The following STIM1 variants were observed in gnomAD, a reference collection of about 807,000 sequenced individuals.
STIM1 encodes stromal interaction molecule 1.
In STIM1, 25 loss-of-function variants were observed where a neutral mutation model predicts 74.7. The ratio of observed to expected loss-of-function variants is 0.33; its 90% CI spans 0.24 to 0.47. The LOEUF (loss-of-function observed/expected upper bound fraction) is 0.47, where lower values mean the gene tolerates loss of function less well. Among genes scored for constraint, STIM1 ranks in the 20% least tolerant of loss-of-function variants. The pLI is 1.00. For synonymous variants in STIM1, 328 were observed against 348.8 expected (o/e 0.94, Z 0.66); for missense variants, 728 against 920.8 (o/e 0.79, Z 2.71).
At chr11:4,076,146 C>A (rs560593905) in intron 7 of STIM1, among the ~76,000 whole-genome samples, 1 of 151,732 alleles carries the variant, frequency 6.6e-6, no homozygotes, top group Non-Finnish European at 1.5e-5. Context: ...TTTTGATAAA[C>A]AGAAGCCCTT....
At chr11:3,966,850 G>A (rs2093344963) in intron 1 of STIM1, among the ~76,000 whole-genome samples, 1 of 152,198 alleles carries the variant, frequency 6.6e-6, no homozygotes, top group Non-Finnish European at 1.5e-5. Context: ...GGTGGCCTAG[G>A]CTCTTGTGCT....
chr11:3,897,203 T>C (rs1298321397), intron 1 of STIM1, among the ~76,000 whole-genome samples: 1 of 152,214 alleles, frequency 6.6e-6, no homozygotes, highest in Non-Finnish European at 1.5e-5. Flanking sequence ...CTTTGTATCT[T>C]GTGGCAACCA....
At chr11:3,866,211 C>T (rs2090851136) in intron 1 of STIM1, among the ~76,000 whole-genome samples, 2 of 152,146 alleles carry the variant, frequency 1.3e-5, no homozygotes, top group South Asian at 2.1e-4. Flanking sequence ...TACTGCTTCA[C>T]TTTTGTTTTT....
chr11:3,944,809 T>G (rs1264657958), intron 1 of STIM1, among the ~76,000 whole-genome samples: 2 of 152,220 alleles, frequency 1.3e-5, no homozygotes, highest in Admixed American at 1.3e-4. Flanking sequence ...AGGAGTGTAG[T>G]GACTCTGGTC....
At chr11:3,924,355 C>G (rs377405158) in intron 1 of STIM1, among the ~76,000 whole-genome samples, 2 of 151,410 alleles carry the variant, frequency 1.3e-5, no homozygotes, top group East Asian at 3.9e-4. Flanking sequence ...CCCACCACCA[C>G]GCCCGGCTAA....
At chr11:4,047,914 G>A (rs2094206675) in intron 3 of STIM1, among the ~76,000 whole-genome samples, 1 of 151,760 alleles carries the variant, frequency 6.6e-6, no homozygotes, top group Non-Finnish European at 1.5e-5. Flanking sequence ...CGCCTCCCAG[G>A]TTCGAGTGAT....
intron 2 of STIM1, among the ~76,000 whole-genome samples, chr11:3,981,681 A>G (rs2135802031): frequency 6.6e-6 from 1 of 152,150 alleles, no homozygotes; most frequent in Admixed American, 6.5e-5. Flanking sequence ...TGGGCTCTAG[A>G]TATGTTAGTA....
chr11:4,057,583 G>T (rs1392751023), intron 4 of STIM1, among the ~76,000 whole-genome samples: 1 of 152,116 alleles, frequency 6.6e-6, no homozygotes, highest in African/African-American at 2.4e-5. Flanking sequence ...CTAGAAAGTC[G>T]CACTAGGCCG....
In STIM1 at chr11:3,976,785, C is replaced by T. The variant is rs576554003; in HGVS notation, c.270+9103C>T. 7.2e-5 allele frequency among the ~76,000 whole-genome samples: 11 copies of T among 152,014 alleles called. No homozygotes were observed. In the East Asian group the frequency reaches 1.9e-3, roughly 27 times the overall value. Reference sequence around the variant, plus strand: ...CTGGAATTACATGTGTGAGCCACCACGCCTAGCCTGACAGTTGTTTTTTTT... The same window carrying T: ...CTGGAATTACATGTGTGAGCCACCATGCCTAGCCTGACAGTTGTTTTTTTT... On this transcript the variant is annotated intron_variant, in intron 2 of 12. Transcript: ENST00000526596.
At chr11:3,995,202 A>G (rs890462344) in intron 2 of STIM1, among the ~76,000 whole-genome samples, 2 of 151,886 alleles carry the variant, frequency 1.3e-5, no homozygotes, top group African/African-American at 2.4e-5. Context: ...TTTTTCTGGT[A>G]TATGGGTCAC....
rs1178238272 is a variant in STIM1 at position 3,911,107 on chromosome 11, G to A, written c.139+54698G>A. On this transcript the variant is annotated intron_variant, in intron 1 of 12. Transcript: ENST00000526596. ...GTAAGGGCTTGGTTTATCAGTGGTA[G>A]CATTGGGGAGATAAGGATAGGACTA... Among the ~76,000 whole-genome samples, 9 of 152,214 alleles carry A rather than the reference G, an allele frequency of 5.9e-5. No homozygotes were observed. The East Asian group carries it at 1.7e-3, about 29-fold the overall frequency.
chr11:3,989,591 C>T (rs1354068208), intron 2 of STIM1: 13 of 443,436 alleles, frequency 2.9e-5, no homozygotes, highest in South Asian at 1.8e-4. Context: ...CCAGAAGGGG[C>T]GGTGGGAGAA....
chr11:4,001,427 A>G (rs1397016680), intron 2 of STIM1, among the ~76,000 whole-genome samples: 2 of 152,216 alleles, frequency 1.3e-5, no homozygotes, highest in African/African-American at 4.8e-5. Flanking sequence ...GTGGGGACCA[A>G]TATTCAACAT....
intron 2 of STIM1, among the ~76,000 whole-genome samples, chr11:4,014,600 A>G (rs963256148): frequency 1.3e-5 from 2 of 152,186 alleles, no homozygotes; most frequent in African/African-American, 2.4e-5. Flanking sequence ...AGTCCTGGAT[A>G]TCCTTGTTAA....
chr11:4,022,519 C>T (rs185577912), intron 2 of STIM1, among the ~76,000 whole-genome samples: 26 of 152,012 alleles, frequency 1.7e-4, no homozygotes, highest in African/African-American at 4.8e-4. Context: ...TGAATAATAG[C>T]GGTGAACGAA....
chr11:3,992,721 C>G (rs941945792), intron 2 of STIM1, among the ~76,000 whole-genome samples: 2 of 152,158 alleles, frequency 1.3e-5, no homozygotes, highest in African/African-American at 4.8e-5. Flanking sequence ...TGACTTACCC[C>G]TGTGTTTTCT....
chr11:4,005,354 C>T (rs372309277), intron 2 of STIM1, among the ~76,000 whole-genome samples: 1 of 152,092 alleles, frequency 6.6e-6, no homozygotes, highest in African/African-American at 2.4e-5. Context: ...CAATGATAGA[C>T]TGGATTAAGA....
At chr11:4,015,493 C>A (rs974579895) in intron 2 of STIM1, among the ~76,000 whole-genome samples, 2 of 151,848 alleles carry the variant, frequency 1.3e-5, no homozygotes, top group African/African-American at 4.8e-5. Flanking sequence ...CCTTCATTTC[C>A]ACCTTGGTGA....
intron 2 of STIM1, among the ~76,000 whole-genome samples, chr11:3,998,971 A>G (rs1387856146): frequency 1.1e-4 from 17 of 152,194 alleles, no homozygotes; most frequent in Admixed American, 9.8e-4. Context: ...TGTTACAAAT[A>G]CTCAACTCTG....
Sources: allele counts gnomAD v4.1 joint callset (sites outside exome capture counted in the v4.1 genomes callset), GRCh38; gene constraint gnomAD v4.1.1; transcripts MANE v1.5; gene names NCBI Gene and HGNC (gene_info 2026-07-23, HGNC 2026-07-21).